Variants in LMX1A observed in about 807,000 individuals in gnomAD.
The protein encoded by LMX1A is LIM homeobox transcription factor 1-alpha.
Under a neutral mutation model 49.1 loss-of-function variants are expected in LMX1A, and 15 were observed. That is an observed-to-expected ratio of 0.31 (90% CI 0.20 to 0.47). The LOEUF (loss-of-function observed/expected upper bound fraction) is 0.47, where lower values mean the gene tolerates loss of function less well. Ranked by LOEUF, LMX1A falls within the 20% of genes least tolerant of loss-of-function variation. The pLI, the probability that LMX1A is intolerant of heterozygous loss-of-function variation, is 1.00. For synonymous variants in LMX1A, 167 were observed against 185.7 expected, an observed-to-expected ratio of 0.90 and a Z score of 0.82; for missense variants, 372 against 475.8, an observed-to-expected ratio of 0.78 and a Z score of 2.03.
At chr1:165,213,403 G>A (rs929127827) in intron 5 of LMX1A, 1 of 445,610 alleles carries the variant, frequency 2.2e-6, no homozygotes, top group African/African-American at 2.0e-5. Flanking sequence ...TGAAAGGTGT[G>A]ACAGGGGCCA....
chr1:165,317,634 G>A (rs912430511), intron 3 of LMX1A, among the ~76,000 whole-genome samples: 5 of 152,178 alleles, frequency 3.3e-5, no homozygotes, highest in African/African-American at 7.2e-5. Flanking sequence ...AAATCCTTTT[G>A]AGTGGGGCTC....
intron 3 of LMX1A, among the ~76,000 whole-genome samples, chr1:165,302,318 C>T (rs377056539): frequency 3.9e-5 from 6 of 151,946 alleles, no homozygotes; most frequent in South Asian, 2.1e-4. Flanking sequence ...GTGGTGCATG[C>T]GTGTAATCCC....
chr1:165,226,890 T>G (rs1652055741), intron 4 of LMX1A, among the ~76,000 whole-genome samples: 1 of 152,224 alleles, frequency 6.6e-6, no homozygotes, highest in South Asian at 2.1e-4. Context: ...CTAAACATAT[T>G]TGTTGTGCAA....
At chr1:165,204,069 G>C in intron 8 of LMX1A, 29 bp from the exon 9 acceptor site, 1 of 1,611,204 alleles carries the variant, frequency 6.2e-7, no homozygotes, top group Non-Finnish European at 8.5e-7. Flanking sequence ...ACTGGCATGA[G>C]GGTCTTGAAG....
At chr1:165,251,122 G>A (rs552695559) in intron 3 of LMX1A, among the ~76,000 whole-genome samples, 435 of 148,394 alleles carry the variant, frequency 2.9e-3, no homozygotes, top group African/African-American at 1.0e-2. Context: ...TCACTTTGTC[G>A]CCCAAGCTGG....
At chr1:165,224,023 C>T (rs890781101) in intron 4 of LMX1A, among the ~76,000 whole-genome samples, 43 of 152,204 alleles carry the variant, frequency 2.8e-4, no homozygotes, top group African/African-American at 2.7e-4. Flanking sequence ...ATGTTGAAGG[C>T]AGGGCCTAGT....
rs573736860 is a variant in LMX1A at position 165,355,397 on chromosome 1, G to A, written c.76+87C>T. 2.1e-5 allele frequency: 27 copies of A among 1,313,648 alleles called. No homozygotes were observed. In the East Asian group the frequency reaches 5.8e-4, roughly 28 times the overall value. The allele number at this position is 1,313,648 out of a possible 1,614,324, so 81.4% of individuals were successfully genotyped here. Reference sequence around the variant, plus strand: ...GAAGAGGGGCGCTAGCTTCCCTATCGCGGACCAGGTCCCAGAGAGCGGGGC... The same window carrying A: ...GAAGAGGGGCGCTAGCTTCCCTATCACGGACCAGGTCCCAGAGAGCGGGGC... On this transcript the variant is annotated intron_variant, in intron 2 of 8. Coordinates refer to ENST00000342310, the MANE Select transcript of LMX1A (RefSeq NM_177398.4). This position sits in a 1 kb window ranked among gnomAD's most constrained non-coding sequence, Gnocchi z 4.7.
At position 165,205,867 on chromosome 1, in the gene LMX1A, A is replaced by G. The variant is rs200209751; in HGVS notation, c.985T>C (p.Tyr329His). The change falls in exon 8 of 9, where the codon TAT (tyrosine) becomes CAT (histidine). Residue 329 changes from tyrosine to histidine, a missense_variant. Tyr to His is a moderately conservative substitution (Grantham distance 83). This residue lies in a region of LMX1A where 127 missense variants were observed against 138.0 expected (regional missense o/e 0.92). Coordinates refer to ENST00000342310, the MANE Select transcript of LMX1A (RefSeq NM_177398.4). ...GAGGGGCTTAAGTCCCTCTTACCAT[A>G]AGGGTGCATGTGGTCTCCAGGCATC... ...PQMPGDHMHP[Y>H]GAEPLFHDLD... The G allele has an allele frequency of 3.7e-5, 59 of 1,613,672 alleles. No individual in the cohort carries two copies. The highest frequency in any genetic ancestry group is 8.3e-5 in the Admixed American group (5 of 59,984).
At chr1:165,310,127 A>T (rs1655034306) in intron 3 of LMX1A, among the ~76,000 whole-genome samples, 1 of 152,212 alleles carries the variant, frequency 6.6e-6, no homozygotes, top group South Asian at 2.1e-4. Context: ...CTTGTCCACC[A>T]CAGTGGCTTG....
At chr1:165,270,339 T>C (rs922601457) in intron 3 of LMX1A, among the ~76,000 whole-genome samples, 1 of 152,186 alleles carries the variant, frequency 6.6e-6, no homozygotes, top group Admixed American at 6.5e-5. Flanking sequence ...ATTCTGTGTC[T>C]CATGTGGGTA....
intron 3 of LMX1A, among the ~76,000 whole-genome samples, chr1:165,318,910 C>T (rs1321675496): frequency 1.3e-5 from 2 of 151,928 alleles, no homozygotes; most frequent in African/African-American, 2.4e-5. Context: ...AAGAAACAAA[C>T]TTACCTCCTG....
chr1:165,229,381 C>T lies in LMX1A; in HGVS notation c.497-15568G>A, dbSNP rs1457268188. On this transcript the variant is annotated intron_variant, in intron 4 of 8. Transcript: ENST00000342310. Reference sequence around the variant, plus strand: ...TATTAATGGAAGCTATAGATGGCCCCCCCGTCACTTCTATTATTAGTCCCA... The same window carrying T: ...TATTAATGGAAGCTATAGATGGCCCTCCCGTCACTTCTATTATTAGTCCCA... 2.0e-5 allele frequency among the ~76,000 whole-genome samples: 3 copies of T among 152,142 alleles called. No individual in the cohort carries two copies. In the East Asian group the frequency reaches 5.8e-4, roughly 29 times the overall value.
At chr1:165,314,454 G>C (rs1655163048) in intron 3 of LMX1A, among the ~76,000 whole-genome samples, 2 of 152,198 alleles carry the variant, frequency 1.3e-5, no homozygotes, top group African/African-American at 4.8e-5. Flanking sequence ...ACAGGAGACA[G>C]GGTGCAGTAG....
intron 3 of LMX1A, among the ~76,000 whole-genome samples, chr1:165,290,273 T>A (rs1654425505): frequency 6.6e-6 from 1 of 152,240 alleles, no homozygotes; most frequent in Non-Finnish European, 1.5e-5. Context: ...AAGTTCAAAA[T>A]CCGTTTCACT....
chr1:165,330,854 T>G (rs1354927495), intron 3 of LMX1A, among the ~76,000 whole-genome samples: 3 of 152,066 alleles, frequency 2.0e-5, no homozygotes, highest in Non-Finnish European at 4.4e-5. Context: ...TATATAAGCT[T>G]TATCCAAATG....
chr1:165,285,981 G>A (rs1654293821), intron 3 of LMX1A, among the ~76,000 whole-genome samples: 1 of 152,156 alleles, frequency 6.6e-6, no homozygotes, highest in Non-Finnish European at 1.5e-5. Flanking sequence ...GACAGTCCAA[G>A]GCTTATCGAG....
At chr1:165,260,126 T>C (rs1233806395) in intron 3 of LMX1A, among the ~76,000 whole-genome samples, 1 of 152,218 alleles carries the variant, frequency 6.6e-6, no homozygotes, top group African/African-American at 2.4e-5. Flanking sequence ...TTTGGTTTCC[T>C]TTGAAAATGT....
chr1:165,228,031 A>T (rs1652099679), intron 4 of LMX1A, among the ~76,000 whole-genome samples: 2 of 152,356 alleles, frequency 1.3e-5, no homozygotes, highest in South Asian at 2.1e-4. Context: ...AATTAAACAG[A>T]CAGGACCTCT....
intron 4 of LMX1A, among the ~76,000 whole-genome samples, chr1:165,234,169 T>C (rs536369002): frequency 6.6e-6 from 1 of 152,346 alleles, no homozygotes; most frequent in East Asian, 1.9e-4. Flanking sequence ...AGGATCTCAG[T>C]GCTCCAGAGC....
Sources: allele counts gnomAD v4.1 joint callset (sites outside exome capture counted in the v4.1 genomes callset), GRCh38; gene constraint gnomAD v4.1.1; regional missense constraint gnomAD v4.1.1; non-coding constraint Gnocchi (gnomAD v3.1); transcripts MANE v1.5; gene names NCBI Gene and HGNC (gene_info 2026-07-23, HGNC 2026-07-21).